The following NFIL3 variants were observed in gnomAD, a reference collection of about 807,000 sequenced individuals.
NFIL3 encodes nuclear factor, interleukin 3 regulated, also known as nuclear factor interleukin-3-regulated protein.
NFIL3 carries 5 observed loss-of-function variants against 10.0 expected under a neutral mutation model. That is an observed-to-expected ratio of 0.50 (90% confidence interval 0.26 to 1.06). The LOEUF is 1.06. Ranked by LOEUF, NFIL3 falls within the 50% of genes least tolerant of loss-of-function variation. NFIL3 has a pLI of 0.13. For synonymous variants in NFIL3, 202 were observed against 206.5 expected, an observed-to-expected ratio of 0.98 and a Z score of 0.19; for missense variants, 436 against 547.6, an observed-to-expected ratio of 0.80 and a Z score of 2.03.
chr9:91,448,527 C>A, the NFIL3 span, among the ~76,000 whole-genome samples: 2 of 152,326 alleles, frequency 1.3e-5, no homozygotes, highest in Admixed American at 1.3e-4. Context: ...GGATCTGCTC[C>A]CTATGACTCA....
chr9:91,456,443 A>G, the NFIL3 span, among the ~76,000 whole-genome samples: 1 of 152,148 alleles, frequency 6.6e-6, no homozygotes, highest in Non-Finnish European at 1.5e-5. Context: ...ATATTATGGT[A>G]TCTTATTGAA....
the NFIL3 span, among the ~76,000 whole-genome samples, chr9:91,462,825 T>G: frequency 4.7e-3 from 481 of 102,548 alleles, 3 homozygotes; most frequent in Middle Eastern, 0.013. Flanking sequence ...ATGTTTTTTT[T>G]GGGGGTGGGG....
chr9:91,433,056 A>T, the NFIL3 span, among the ~76,000 whole-genome samples: 1 of 152,216 alleles, frequency 6.6e-6, no homozygotes, highest in Non-Finnish European at 1.5e-5. Flanking sequence ...GGTCTTAGCC[A>T]TTGCAATGAG....
chr9:91,481,503 G>A, the NFIL3 span, among the ~76,000 whole-genome samples: 2 of 151,918 alleles, frequency 1.3e-5, no homozygotes, highest in Non-Finnish European at 2.9e-5. Flanking sequence ...GGCTGTGATT[G>A]TATACAATAC....
the NFIL3 span, among the ~76,000 whole-genome samples, chr9:91,455,507 C>A: frequency 6.6e-6 from 1 of 152,040 alleles, no homozygotes; most frequent in Non-Finnish European, 1.5e-5. Flanking sequence ...GCTTTGATGT[C>A]CTTTTGATAA....
chr9:91,448,512 A>G, the NFIL3 span, among the ~76,000 whole-genome samples: 1 of 152,188 alleles, frequency 6.6e-6, no homozygotes, highest in African/African-American at 2.4e-5. Context: ...TAATCTATTT[A>G]TGAGGGATCT....
the NFIL3 span, among the ~76,000 whole-genome samples, chr9:91,463,469 T>G: frequency 6.6e-6 from 1 of 152,014 alleles, no homozygotes; most frequent in Non-Finnish European, 1.5e-5. Context: ...CTTTGACAAA[T>G]GTAATATATA....
At chr9:91,459,714 A>T in the NFIL3 span, among the ~76,000 whole-genome samples, 1 of 152,184 alleles carries the variant, frequency 6.6e-6, no homozygotes, top group Non-Finnish European at 1.5e-5. Context: ...TAAATAAAAA[A>T]GAAAATATTT....
the NFIL3 span, among the ~76,000 whole-genome samples, chr9:91,443,474 C>T: frequency 6.6e-6 from 1 of 152,248 alleles, no homozygotes; most frequent in Non-Finnish European, 1.5e-5. Context: ...GCCTGAGCTG[C>T]CGTCAGCACC....
At chr9:91,460,717 T>C in the NFIL3 span, among the ~76,000 whole-genome samples, 1 of 152,204 alleles carries the variant, frequency 6.6e-6, no homozygotes, top group African/African-American at 2.4e-5. Flanking sequence ...TCCTGAGTTA[T>C]GCACATTTAG....
chr9:91,442,468 C>T, the NFIL3 span, among the ~76,000 whole-genome samples: 3 of 152,180 alleles, frequency 2.0e-5, no homozygotes, highest in African/African-American at 7.2e-5. Context: ...GCTCGTTCTG[C>T]CCACTCAGCC....
chr9:91,464,664 T>C, the NFIL3 span, among the ~76,000 whole-genome samples: 3 of 152,264 alleles, frequency 2.0e-5, no homozygotes, highest in South Asian at 4.1e-4. Flanking sequence ...TCCTTCTGCC[T>C]GAAGAGCTTA....
At chr9:91,452,768 CA>C in the NFIL3 span, among the ~76,000 whole-genome samples, 1 of 96,592 alleles carries the variant, frequency 1.0e-5, no homozygotes. Context: ...GCCTGGGCAA[CA>C]AGAGTGAAAC....
At chr9:91,423,560 C>A (rs2118048531) in intron 1 of NFIL3, 80 bp downstream of exon 1, 1 of 149,298 alleles carries the variant, frequency 6.7e-6, no homozygotes, top group East Asian at 2.0e-4. Context: ...GCGGCCCGCA[C>A]CCCGCGCCCG....
the NFIL3 span, among the ~76,000 whole-genome samples, chr9:91,482,824 G>A: frequency 2.6e-5 from 4 of 152,144 alleles, no homozygotes; most frequent in Non-Finnish European, 5.9e-5. Context: ...GTTTTAAAAA[G>A]AGACAAATAA....
Position 91,412,387 on chromosome 9 carries a change from C to T in NFIL3, c.-172-1481G>A, listed in dbSNP as rs73651438. Reference sequence around the variant, plus strand: ...GAGATAATAAAATCCATGTTATGTTCCAGTAGCAATCATTGCATGGGGGCT... The same window carrying T: ...GAGATAATAAAATCCATGTTATGTTTCAGTAGCAATCATTGCATGGGGGCT... On this transcript the variant is annotated intron_variant, in intron 1 of 1. Transcript: ENST00000297689. Among the ~76,000 whole-genome samples the T allele has an allele frequency of 6.4e-3, 970 of 152,236 alleles. 7 individuals carry two copies. The highest frequency in any genetic ancestry group is 0.022 in the African/African-American group (901 of 41,538).
chr9:91,410,681 G>C lies in NFIL3; in HGVS notation c.54C>G (p.Ala18=). The change falls in exon 2 of 2, where the codon GCC becomes GCG. Residue 18 remains alanine (A), a synonymous_variant. Transcript: ENST00000297689. The surrounding 1 kb of genome is among the most constrained non-coding windows in gnomAD (Gnocchi z 5.7). The stretch of plus-strand genomic sequence containing the variant: ...CCATCATCTTGTCCACATTGCTACT[G>C]GCATCAAGAGACGCCTGCTCCTTTT... ...TVKKEQASLD[A]SSNVDKMMVL... is the part of the protein sequence containing the mutation. 6.2e-7 allele frequency: 1 copy of C among 1,610,254 alleles called. No individual in the cohort carries two copies. Among genetic ancestry groups the C allele is most frequent in the East Asian group, 2.2e-5 (1 of 44,874 alleles).
At chr9:91,427,415 T>C (rs149199240), upstream of NFIL3, among the ~76,000 whole-genome samples, 2 of 152,186 alleles carry the variant, frequency 1.3e-5, no homozygotes, top group African/African-American at 2.4e-5. Flanking sequence ...ATTGGACTTA[T>C]GGATTTCTTT....
At chr9:91,463,836 C>T in the NFIL3 span, among the ~76,000 whole-genome samples, 7 of 152,046 alleles carry the variant, frequency 4.6e-5, no homozygotes, top group South Asian at 2.1e-4. Flanking sequence ...CATTTTGATG[C>T]TCTATTGTTA....
Sources: gnomAD v4.1 joint callset for allele counts (sites outside exome capture counted in the v4.1 genomes callset) on GRCh38, gnomAD v4.1.1 for gene constraint, Gnocchi (gnomAD v3.1) non-coding constraint, MANE v1.5 for transcripts, NCBI Gene and HGNC (gene_info 2026-07-23, HGNC 2026-07-21) for gene names.